The following TJP3 variants were observed in gnomAD, a reference collection of about 807,000 sequenced individuals.
The protein encoded by TJP3 is tight junction protein 3, also known as tight junction protein ZO-3.
In TJP3, 85 loss-of-function variants were observed where a neutral mutation model predicts 104.2. The observed-to-expected ratio is 0.82, with a 90% CI of 0.68 to 0.98. The LOEUF (loss-of-function observed/expected upper bound fraction) is 0.98, where lower values mean the gene tolerates loss of function less well. Ranked by LOEUF, TJP3 falls within the 50% of genes least tolerant of loss-of-function variation. TJP3 has a pLI of 0.00. For synonymous variants in TJP3, 550 were observed against 550.6 expected (o/e 1.00, Z 0.02); for missense variants, 1,367 against 1,322.8 (o/e 1.03, Z -0.52).
Position 3,723,797 on chromosome 19 carries a change from GAA to G in TJP3, c.-9-4616_-9-4615del, listed in dbSNP as rs71339060. ...GACAGAGTGACACTCTGTCTCAAAA[GAA>G]AAAAAAAAAATATATATATATATAT... is the stretch of plus-strand genomic sequence containing the variant. On this transcript the variant is annotated intron_variant, in intron 1 of 20. Transcript: ENST00000541714. 1.2e-3 allele frequency among the ~76,000 whole-genome samples: 149 copies of G among 125,764 alleles called. 1 individual carries two copies. Among genetic ancestry groups the G allele is most frequent in the East Asian group, 3.8e-3 (16 of 4,226 alleles). The allele number at this position is 125,764 out of a possible 152,430, so 82.5% of individuals were successfully genotyped here.
At chr19:3,725,053 G>A (rs1489986675) in intron 1 of TJP3, among the ~76,000 whole-genome samples, 6 of 152,140 alleles carry the variant, frequency 3.9e-5, no homozygotes, top group Non-Finnish European at 8.8e-5. Flanking sequence ...TTGGGCCCAG[G>A]AATTTGAGAC....
At chr19:3,726,513 C>T (rs961103479) in intron 1 of TJP3, among the ~76,000 whole-genome samples, 1 of 151,806 alleles carries the variant, frequency 6.6e-6, no homozygotes, top group Non-Finnish European at 1.5e-5. Flanking sequence ...GCAGGAGAAT[C>T]GCTTGAAACT....
chr19:3,709,440 T>G (rs1321942030), intron 1 of TJP3, among the ~76,000 whole-genome samples: 1 of 152,050 alleles, frequency 6.6e-6, no homozygotes, highest in African/African-American at 2.4e-5. Flanking sequence ...CTCTGTGGGA[T>G]GGGGCAGAGG....
chr19:3,750,490 C>T, intron 20 of TJP3, 92 bp from the exon 21 acceptor site: 3 of 1,110,694 alleles, frequency 2.7e-6, no homozygotes, highest in Non-Finnish European at 4.0e-6. Context: ...TCTGCCCACA[C>T]CCACTGTGCC....
intron 1 of TJP3, among the ~76,000 whole-genome samples, chr19:3,727,639 G>A (rs572110159): frequency 1.1e-4 from 17 of 152,124 alleles, no homozygotes; most frequent in African/African-American, 4.1e-4. Flanking sequence ...GCTCAGTTTT[G>A]GACAAAGACA....
rs555495738 is a variant in TJP3, at chr19:3,709,992, A to G, written c.-10+1431A>G. On this transcript the variant is annotated intron_variant, in intron 1 of 20. Coordinates refer to ENST00000541714, the MANE Select transcript of TJP3 (RefSeq NM_001267560.2). ...GTGGAACCCTGTCTCTACTAAAAAT[A>G]CAAAAAATGAGCCGAATATGGTGGC... Among the ~76,000 whole-genome samples, 18 of 152,122 alleles carry G rather than the reference A, an allele frequency of 1.2e-4. No homozygotes were observed. In the South Asian group the frequency reaches 3.7e-3, roughly 32 times the overall value.
At position 3,730,265 on chromosome 19, in the gene TJP3, A is replaced by T. The variant is rs2036651340; in HGVS notation, c.262-90A>T. The T allele has an allele frequency of 6.8e-7, 1 of 1,473,880 alleles. No homozygotes were observed. The highest frequency in any genetic ancestry group is 9.2e-7 in the Non-Finnish European group (1 of 1,081,660). 91.3% of individuals were successfully genotyped at this position (1,473,880 alleles called of 1,614,324 possible). A position where few individuals can be genotyped will look rare whatever the true frequency, so the allele number is the denominator to read the frequency against. ...TTTGGACATTGAGGCCCAGAGAGAG[A>T]CTGGTGTCCCCCAGGGCCACCCGGG... On this transcript the variant is annotated intron_variant, in intron 4 of 20. Transcript: ENST00000541714. This position sits in a 1 kb window ranked among gnomAD's most constrained non-coding sequence, Gnocchi z 7.3.
rs1043370964 is a variant in TJP3 at position 3,709,459 on chromosome 19, G to T, written c.-10+898G>T. On this transcript the variant is annotated intron_variant, in intron 1 of 20. Transcript: ENST00000541714. ...GTGGGATGGGGCAGAGGGGAAGGAGGAAGGAGCGCTCAGAGCCAGAGAGGG... is the reference window on the plus strand; with the variant it reads ...GTGGGATGGGGCAGAGGGGAAGGAGTAAGGAGCGCTCAGAGCCAGAGAGGG... Among the ~76,000 whole-genome samples, 5 of 152,290 alleles carry T rather than the reference G, an allele frequency of 3.3e-5. No individual in the cohort carries two copies. The South Asian group carries it at 1.0e-3, about 32-fold the overall frequency.
chr19:3,731,078 G>C (rs2036665452), intron 5 of TJP3, among the ~76,000 whole-genome samples: 1 of 152,192 alleles, frequency 6.6e-6, no homozygotes, highest in South Asian at 2.1e-4. Flanking sequence ...CTGCCTGTCT[G>C]TATTTCATAT....
intron 11 of TJP3, among the ~76,000 whole-genome samples, chr19:3,736,728 C>T (rs1433309370): frequency 1.3e-5 from 2 of 151,928 alleles, no homozygotes; most frequent in Non-Finnish European, 2.9e-5. Context: ...TTGTCCACCA[C>T]CACGCCCGGC....
In TJP3 at chr19:3,750,149, C is replaced by T. The variant is rs140130838; in HGVS notation, c.2622C>T (p.Arg874=). The T allele has an allele frequency of 4.6e-5, 74 of 1,613,996 alleles. 1 individual carries two copies. The African/African-American group carries it at 9.7e-4, about 21-fold the overall frequency. ...CCCTCTCCTCCAAGGTGGACAGCCG[C>T]CACCCCCAGGGACAGTGGCGACAGG... ...SAHQGAQVDS[R]HPQGQWRQDS... is the part of the protein sequence containing the mutation. Residue 874 remains arginine, a synonymous_variant, in exon 20 of 21, where the codon CGC becomes CGT. Coordinates refer to ENST00000541714, the MANE Select transcript of TJP3 (RefSeq NM_001267560.2).
intron 1 of TJP3, among the ~76,000 whole-genome samples, chr19:3,715,180 C>T (rs535652449): frequency 6.6e-6 from 1 of 151,758 alleles, no homozygotes; most frequent in South Asian, 2.1e-4. Context: ...ACCTCCGCCT[C>T]CCGGGTTCAC....
intron 1 of TJP3, among the ~76,000 whole-genome samples, chr19:3,715,775 T>G (rs1304477700): frequency 1.3e-5 from 2 of 152,122 alleles, no homozygotes; most frequent in African/African-American, 4.8e-5. Context: ...TTTTTATTGT[T>G]TCATTTTATT....
Position 3,746,027 on chromosome 19 carries a change from C to T in TJP3, c.1956C>T (p.Thr652=), listed in dbSNP as rs145522559. The change falls in exon 16 of 21, where the codon ACC becomes ACT. Residue 652 remains threonine, a synonymous_variant. Coordinates refer to ENST00000541714, the MANE Select transcript of TJP3 (RefSeq NM_001267560.2). The surrounding 1 kb of genome is among the most constrained non-coding windows in gnomAD (Gnocchi z 4.1). ...QFEIAETVSR[T]DSPSKIIKLD... ...CGTCCACAGAGACTGTGTCCAGGAC[C>T]GACAGCCCCTCCAAGATCATCAAAC... 5.3e-4 allele frequency: 856 copies of T among 1,608,238 alleles called. 5 individuals carry two copies. The highest frequency in any genetic ancestry group is 4.0e-3 in the Middle Eastern group (24 of 6,056).
Position 3,736,283 on chromosome 19 carries a change from G to T in TJP3, c.1246G>T (p.Asp416Tyr). Reference sequence around the variant, plus strand: ...CGGGGTGCAGGCGGGCAGCCCGGCCGACGGGCAGGGCATCCAGGAGGGAGA... The same window carrying T: ...CGGGGTGCAGGCGGGCAGCCCGGCCTACGGGCAGGGCATCCAGGAGGGAGA... ...VSGVQAGSPADGQGIQEGDQI... is the reference protein window; with the variant it reads ...VSGVQAGSPAYGQGIQEGDQI... Residue 416 changes from aspartate to tyrosine, a missense_variant, in exon 11 of 21, where the codon GAC (aspartate) becomes TAC (tyrosine). By Grantham distance (160) the Asp-to-Tyr change is radical. Transcript: ENST00000541714. 1 of 1,538,180 alleles carries T rather than the reference G, an allele frequency of 6.5e-7. No homozygotes were observed.
intron 1 of TJP3, among the ~76,000 whole-genome samples, chr19:3,724,026 GGGCTGTGAGGTTA>G (rs138291734): frequency 0.025 from 3,749 of 151,896 alleles, 145 homozygotes; most frequent in African/African-American, 0.086. Flanking sequence ...AAGATGAGGT[GGGCTGTGAGGTTA>G]GGCTTAATCC....
At chr19:3,713,855 A>G (rs1229068292) in intron 1 of TJP3, among the ~76,000 whole-genome samples, 1 of 148,952 alleles carries the variant, frequency 6.7e-6, no homozygotes, top group Non-Finnish European at 1.5e-5. Flanking sequence ...AGCTGGGACT[A>G]CAGGCGCCCG....
chr19:3,734,332 T>A lies in TJP3; in HGVS notation c.883T>A (p.Ser295Thr), dbSNP rs373607850. 145 of 1,613,640 alleles carry A rather than the reference T, an allele frequency of 9.0e-5. No homozygotes were observed. Among genetic ancestry groups the A allele is most frequent in the Non-Finnish European group, 1.2e-4 (143 of 1,180,006 alleles). Residue 295 changes from serine (S) to threonine (T), a missense_variant, in exon 8 of 21, where the codon TCG becomes ACG. Physicochemically the swap from Ser to Thr is moderately conservative, Grantham distance 58 (BLOSUM62 1). Transcript: ENST00000541714. Reference sequence around the variant, plus strand: ...GATGTCCTCTCCCCCTGCAGACATCTCGGACCTCGCCTCGGAGCTATCGCA... The same window carrying A: ...GATGTCCTCTCCCCCTGCAGACATCACGGACCTCGCCTCGGAGCTATCGCA... ...DSDSSPLEDI[S>T]DLASELSQAP...
chr19:3,747,922 G>T lies in TJP3; in HGVS notation c.2451G>T (p.Thr817=). 6.2e-7 allele frequency: 1 copy of T among 1,613,224 alleles called. No individual in the cohort carries two copies. Among genetic ancestry groups the T allele is most frequent in the Non-Finnish European group, 8.5e-7 (1 of 1,179,930 alleles). The change falls in exon 19 of 21, where the codon ACG becomes ACT. Residue 817 remains threonine (T), a synonymous_variant. Transcript: ENST00000541714. ...YETDGEGGAY[T]DGEGYTDGEG... ...CGGACGGCGAGGGCGGCGCGTACAC[G>T]GATGGCGAGGGCTACACAGACGGCG...
Sources: allele counts gnomAD v4.1 joint callset (sites outside exome capture counted in the v4.1 genomes callset), GRCh38; gene constraint gnomAD v4.1.1; non-coding constraint Gnocchi (gnomAD v3.1); transcripts MANE v1.5; gene names NCBI Gene and HGNC (gene_info 2026-07-23, HGNC 2026-07-21).